KCNIP4: variants seen among roughly 807,000 people sequenced by gnomAD.
KCNIP4 encodes the protein potassium voltage-gated channel interacting protein 4, also known as Kv channel-interacting protein 4.
KCNIP4 carries 12 observed loss-of-function variants against 34.0 expected under a neutral mutation model. The observed-to-expected ratio is 0.35, with a 90% CI of 0.23 to 0.57. KCNIP4 has a LOEUF of 0.57. Among genes scored for constraint, KCNIP4 ranks in the 20% least tolerant of loss-of-function variants. The probability of loss-of-function intolerance (pLI) is 0.83; values close to 1 mark genes in which losing one functional copy is unlikely to be tolerated. For missense variants in KCNIP4, 238 were observed against 311.7 expected (o/e 0.76, Z 1.78); for synonymous variants, 124 against 102.2 (o/e 1.21, Z -1.29).
chr4:20,823,157 T>A (rs1717320758), intron 3 of KCNIP4, among the ~76,000 whole-genome samples: 1 of 152,126 alleles, frequency 6.6e-6, no homozygotes, highest in African/African-American at 2.4e-5. Context: ...GTTTACCCAG[T>A]CTAAAGTATT....
chr4:21,632,868 A>G (rs913212514), intron 1 of KCNIP4, among the ~76,000 whole-genome samples: 6 of 152,186 alleles, frequency 3.9e-5, no homozygotes, highest in African/African-American at 1.4e-4. Flanking sequence ...TGCTTCCATG[A>G]AAGCATTAAA....
intron 5 of KCNIP4, among the ~76,000 whole-genome samples, chr4:20,747,953 A>G (rs930865513): frequency 3.9e-5 from 6 of 152,100 alleles, no homozygotes; most frequent in Admixed American, 2.0e-4. Flanking sequence ...TTGGAATACA[A>G]TTCTACCAAT....
chr4:21,484,152 T>C (rs1350296951), intron 1 of KCNIP4, among the ~76,000 whole-genome samples: 1 of 151,872 alleles, frequency 6.6e-6, no homozygotes, highest in Non-Finnish European at 1.5e-5. Flanking sequence ...AGGGGCTGGG[T>C]GTGGTGGCTC....
At chr4:20,802,114 A>ATATATATGC (rs1337139236) in intron 3 of KCNIP4, among the ~76,000 whole-genome samples, 6 of 146,892 alleles carry the variant, frequency 4.1e-5, no homozygotes, top group African/African-American at 1.3e-4. Flanking sequence ...TATATATGCT[A>ATATATATGC]TATATATGCT....
chr4:21,935,455 T>C (rs1371684299), intron 1 of KCNIP4, among the ~76,000 whole-genome samples: 1 of 151,954 alleles, frequency 6.6e-6, no homozygotes, highest in Admixed American at 6.6e-5. Context: ...ACCTATGCCA[T>C]CCAAACTGCT....
chr4:21,911,317 T>A (rs1350753765), intron 1 of KCNIP4, among the ~76,000 whole-genome samples: 2 of 152,116 alleles, frequency 1.3e-5, no homozygotes, highest in African/African-American at 2.4e-5. Context: ...ATGTGGCAGC[T>A]ATTTACATAT....
intron 1 of KCNIP4, among the ~76,000 whole-genome samples, chr4:21,233,187 G>A (rs1758925284): frequency 1.3e-5 from 2 of 152,086 alleles, no homozygotes; most frequent in African/African-American, 4.8e-5. Context: ...ACAAAGATTG[G>A]GAAATGTCCA....
chr4:21,730,555 G>A (rs569336857), intron 1 of KCNIP4, among the ~76,000 whole-genome samples: 4 of 152,216 alleles, frequency 2.6e-5, no homozygotes, highest in Admixed American at 2.0e-4. Flanking sequence ...TCTTTGCAAG[G>A]AAGGCTACGA....
At chr4:20,935,098 C>A (rs532644926) in intron 1 of KCNIP4, among the ~76,000 whole-genome samples, 41 of 152,278 alleles carry the variant, frequency 2.7e-4, no homozygotes, top group African/African-American at 8.7e-4. Context: ...GGATTTAAAA[C>A]CCAACCAAAT....
intron 1 of KCNIP4, among the ~76,000 whole-genome samples, chr4:21,230,668 C>A (rs1391151154): frequency 6.6e-6 from 1 of 152,166 alleles, no homozygotes; most frequent in African/African-American, 2.4e-5. Flanking sequence ...CCTCCAGCTC[C>A]ATCCATGTCC....
At chr4:21,643,925 AAG>A (rs1746820458) in intron 1 of KCNIP4, among the ~76,000 whole-genome samples, 1 of 150,040 alleles carries the variant, frequency 6.7e-6, no homozygotes, top group Admixed American at 6.6e-5. Flanking sequence ...GACTGGCAGA[AAG>A]ATAGATAGAT....
chr4:21,915,940 C>T (rs1178592781), intron 1 of KCNIP4, among the ~76,000 whole-genome samples: 1 of 152,208 alleles, frequency 6.6e-6, no homozygotes, highest in East Asian at 1.9e-4. Context: ...AGGCTTGCTG[C>T]TGAGACATTT....
chr4:20,931,177 A>G (rs1730427122), intron 1 of KCNIP4, among the ~76,000 whole-genome samples: 1 of 35,262 alleles, frequency 2.8e-5, no homozygotes, highest in African/African-American at 9.1e-5. Flanking sequence ...ACAATGTGGT[A>G]CACACACACA....
intron 1 of KCNIP4, among the ~76,000 whole-genome samples, chr4:21,305,048 T>G (rs772296383): frequency 2.6e-5 from 4 of 152,090 alleles, no homozygotes; most frequent in Non-Finnish European, 4.4e-5. Context: ...TCTTTCCTCC[T>G]AACACTGCCC....
At chr4:21,486,298 C>T (rs893608641) in intron 1 of KCNIP4, among the ~76,000 whole-genome samples, 1 of 152,074 alleles carries the variant, frequency 6.6e-6, no homozygotes, top group South Asian at 2.1e-4. Context: ...CAGCACAGAG[C>T]CTTAGAAGTA....
At chr4:20,934,825 T>C (rs375837724) in intron 1 of KCNIP4, among the ~76,000 whole-genome samples, 6 of 152,232 alleles carry the variant, frequency 3.9e-5, no homozygotes, top group African/African-American at 1.4e-4. Context: ...CTCTTGGCTA[T>C]TTAAAACAAC....
intron 1 of KCNIP4, among the ~76,000 whole-genome samples, chr4:21,198,911 A>G (rs1756262962): frequency 6.6e-6 from 1 of 152,068 alleles, no homozygotes; most frequent in Non-Finnish European, 1.5e-5. Context: ...TCTCTATCTG[A>G]GGAGTAAAGT....
intron 1 of KCNIP4, among the ~76,000 whole-genome samples, chr4:21,294,473 C>CTAGAA: frequency 6.6e-6 from 1 of 152,014 alleles, no homozygotes; most frequent in East Asian, 1.9e-4. Flanking sequence ...GGGCATAATC[C>CTAGAA]AATAAAACTA....
At chr4:21,386,498 C>G (rs1217276875) in intron 1 of KCNIP4, among the ~76,000 whole-genome samples, 1 of 152,106 alleles carries the variant, frequency 6.6e-6, no homozygotes, top group Admixed American at 6.6e-5. Flanking sequence ...ACATAATTTC[C>G]CCTGTTGTGA....
Sources: gnomAD v4.1 joint callset for allele counts (sites outside exome capture counted in the v4.1 genomes callset) on GRCh38, gnomAD v4.1.1 for gene constraint, MANE v1.5 for transcripts, NCBI Gene and HGNC (gene_info 2026-07-23, HGNC 2026-07-21) for gene names.